PTPRD: variants seen among roughly 807,000 people sequenced by gnomAD.
The protein encoded by PTPRD is receptor-type tyrosine-protein phosphatase delta.
PTPRD carries 34 observed loss-of-function variants against 214.5 expected under a neutral mutation model. The observed-to-expected ratio is 0.16, with a 90% CI of 0.12 to 0.21. PTPRD has a LOEUF of 0.21. Ranked by LOEUF, PTPRD falls within the 10% of genes least tolerant of loss-of-function variation. PTPRD has a pLI of 1.00. For missense variants in PTPRD, 2,545 were observed against 2,398.7 expected, an observed-to-expected ratio of 1.06 and a Z score of -1.27; for synonymous variants, 1,128 against 845.7, an observed-to-expected ratio of 1.33 and a Z score of -5.79.
chr9:9,086,234 C>A (rs922276434), intron 10 of PTPRD, among the ~76,000 whole-genome samples: 6 of 152,134 alleles, frequency 3.9e-5, no homozygotes, highest in African/African-American at 1.4e-4. Flanking sequence ...ACTGAACCTC[C>A]TTCTGACTGG....
chr9:9,004,968 A>G (rs937207313), intron 11 of PTPRD, among the ~76,000 whole-genome samples: 6 of 152,112 alleles, frequency 3.9e-5, no homozygotes, highest in Admixed American at 3.9e-4. Flanking sequence ...CATTTGCATT[A>G]TCCGCCAGGT....
chr9:8,587,184 G>A (rs1335173949), intron 14 of PTPRD, among the ~76,000 whole-genome samples: 3 of 152,002 alleles, frequency 2.0e-5, no homozygotes, highest in Non-Finnish European at 4.4e-5. Flanking sequence ...AAGAACGGAA[G>A]CCTAGAAATA....
At chr9:9,755,926 T>C (rs2098567888) in intron 6 of PTPRD, among the ~76,000 whole-genome samples, 1 of 151,922 alleles carries the variant, frequency 6.6e-6, no homozygotes, top group African/African-American at 2.4e-5. Flanking sequence ...TCCATGTCAA[T>C]GATGCTTTTA....
chr9:8,810,989 G>C (rs1312029571), intron 11 of PTPRD, among the ~76,000 whole-genome samples: 2 of 152,094 alleles, frequency 1.3e-5, no homozygotes, highest in Non-Finnish European at 2.9e-5. Flanking sequence ...AGCTTCCTCG[G>C]TTTGGGAGAA....
intron 2 of PTPRD, among the ~76,000 whole-genome samples, chr9:10,578,611 C>A (rs1328608800): frequency 6.6e-6 from 1 of 152,116 alleles, no homozygotes; most frequent in Non-Finnish European, 1.5e-5. Context: ...ACTGGGAATC[C>A]AGAAACTCAC....
intron 8 of PTPRD, among the ~76,000 whole-genome samples, chr9:9,419,918 A>G (rs2078166601): frequency 6.6e-6 from 1 of 151,734 alleles, no homozygotes; most frequent in Non-Finnish European, 1.5e-5. Context: ...AACAAAGTAT[A>G]ACATCAAAAT....
At chr9:10,503,975 G>T (rs1284627047) in intron 2 of PTPRD, among the ~76,000 whole-genome samples, 1 of 151,180 alleles carries the variant, frequency 6.6e-6, no homozygotes, top group East Asian at 1.9e-4. Flanking sequence ...AATTAGCCGG[G>T]CGTGGTGGCG....
At chr9:10,132,982 A>G (rs2098910516) in intron 3 of PTPRD, among the ~76,000 whole-genome samples, 1 of 151,648 alleles carries the variant, frequency 6.6e-6, no homozygotes, top group Admixed American at 6.6e-5. Context: ...CTGCCTTGGC[A>G]TTGTCTCTCT....
chr9:9,841,616 C>T lies in PTPRD; in HGVS notation c.-367-74765G>A, dbSNP rs371208975. ...GAAAGCATTTGTTTCATTTCCTTTG[C>T]ACCATTAAAGATGAAGTTGTTAGCA... is the stretch of plus-strand genomic sequence containing the variant. On this transcript the variant is annotated intron_variant, in intron 5 of 45. Coordinates refer to ENST00000381196, the MANE Select transcript of PTPRD (RefSeq NM_002839.4). 6.2e-4 allele frequency among the ~76,000 whole-genome samples: 95 copies of T among 152,246 alleles called. 1 individual carries two copies. The highest frequency in any genetic ancestry group is 2.0e-3 in the African/African-American group (83 of 41,572).
chr9:8,457,735 T>C (rs2096257925), intron 33 of PTPRD, among the ~76,000 whole-genome samples: 1 of 152,126 alleles, frequency 6.6e-6, no homozygotes, highest in African/African-American at 2.4e-5. Flanking sequence ...AACAACGTTT[T>C]ATTCTCATTC....
chr9:8,689,122 G>C (rs1320405942), intron 12 of PTPRD, among the ~76,000 whole-genome samples: 1 of 152,176 alleles, frequency 6.6e-6, no homozygotes, highest in Non-Finnish European at 1.5e-5. Context: ...AATCACTAAA[G>C]TGACTCTGAG....
At chr9:9,154,002 A>G (rs912163830) in intron 10 of PTPRD, among the ~76,000 whole-genome samples, 1 of 152,164 alleles carries the variant, frequency 6.6e-6, no homozygotes, top group African/African-American at 2.4e-5. Flanking sequence ...TGAAGATAGC[A>G]TCACGTATTT....
chr9:9,050,566 T>C (rs1161082179), intron 10 of PTPRD, among the ~76,000 whole-genome samples: 1 of 152,156 alleles, frequency 6.6e-6, no homozygotes, highest in East Asian at 1.9e-4. Context: ...ACATATTAAA[T>C]GAAAAAATCT....
chr9:8,415,286 A>G (rs889048728), intron 35 of PTPRD, among the ~76,000 whole-genome samples: 2 of 152,172 alleles, frequency 1.3e-5, no homozygotes, highest in Non-Finnish European at 2.9e-5. Context: ...GCCCTTTCTG[A>G]TAATTGCTTT....
intron 2 of PTPRD, among the ~76,000 whole-genome samples, chr9:10,536,158 T>A (rs543768720): frequency 6.6e-6 from 1 of 152,226 alleles, no homozygotes; most frequent in African/African-American, 2.4e-5. Flanking sequence ...CCAAGGAATA[T>A]GTCTGCTTAA....
intron 5 of PTPRD, among the ~76,000 whole-genome samples, chr9:9,922,627 A>T (rs1247807387): frequency 1.3e-5 from 2 of 152,110 alleles, no homozygotes; most frequent in African/African-American, 4.8e-5. Context: ...GTGAGAAAAC[A>T]GTATGTGTTG....
chr9:9,022,548 A>G (rs1241148249), intron 10 of PTPRD, among the ~76,000 whole-genome samples: 1 of 152,184 alleles, frequency 6.6e-6, no homozygotes, highest in Admixed American at 6.6e-5. Context: ...GCTATACCAC[A>G]TACCATAAGT....
chr9:9,607,926 C>A (rs538834045), intron 7 of PTPRD, among the ~76,000 whole-genome samples: 4 of 152,112 alleles, frequency 2.6e-5, no homozygotes, highest in African/African-American at 7.2e-5. Flanking sequence ...ATACACCCAG[C>A]AGATCCTGCA....
At chr9:9,936,216 A>C (rs1180339414) in intron 5 of PTPRD, among the ~76,000 whole-genome samples, 1 of 148,506 alleles carries the variant, frequency 6.7e-6, no homozygotes, top group African/African-American at 2.6e-5. Context: ...ACAAAAGCCA[A>C]AATTGACAAA....
Sources: allele counts gnomAD v4.1 joint callset (sites outside exome capture counted in the v4.1 genomes callset), GRCh38; gene constraint gnomAD v4.1.1; transcripts MANE v1.5; gene names NCBI Gene and HGNC (gene_info 2026-07-23, HGNC 2026-07-21).